PZP: variants seen among roughly 807,000 people sequenced by gnomAD.
PZP encodes PZP alpha-2-macroglobulin like.
A neutral mutation model predicts 179.8 loss-of-function variants in PZP; 150 were observed. The ratio of observed to expected loss-of-function variants is 0.83; its 90% CI spans 0.73 to 0.96. The LOEUF (loss-of-function observed/expected upper bound fraction) is 0.96, where lower values mean the gene tolerates loss of function less well. PZP is among the 40% of genes least tolerant of loss of function. The pLI is 0.00. For missense variants in PZP, 1,689 were observed against 1,764.0 expected, an observed-to-expected ratio of 0.96 and a Z score of 0.76; for synonymous variants, 624 against 652.3, an observed-to-expected ratio of 0.96 and a Z score of 0.66.
intron 7 of PZP, among the ~76,000 whole-genome samples, chr12:9,198,683 A>G (rs1943980606): frequency 6.6e-6 from 1 of 152,204 alleles, no homozygotes; most frequent in African/African-American, 2.4e-5. Flanking sequence ...GGGTAACAGA[A>G]TAATACACAA....
chr12:9,138,694 C>T, the PZP span, among the ~76,000 whole-genome samples: 193 of 152,110 alleles, frequency 1.3e-3, no homozygotes, highest in Non-Finnish European at 2.1e-3. Context: ...TAGGTCTGTT[C>T]AAACTTTCTT....
chr12:9,190,223 C>T (rs1267530125), intron 13 of PZP, among the ~76,000 whole-genome samples: 2 of 151,906 alleles, frequency 1.3e-5, no homozygotes, highest in Non-Finnish European at 2.9e-5. Flanking sequence ...TTGCAATGAA[C>T]AGTAGCAAAG....
intron 31 of PZP, 83 bp from the exon 32 acceptor site, chr12:9,152,393 TG>T: frequency 1.0e-6 from 1 of 1,001,802 alleles, no homozygotes; most frequent in Non-Finnish European, 1.6e-6. Context: ...ACTTTAAGCC[TG>T]TCTGTCTTCA....
downstream of PZP, among the ~76,000 whole-genome samples, chr12:9,146,487 A>T (rs1038425416): frequency 6.6e-6 from 1 of 152,254 alleles, no homozygotes; most frequent in East Asian, 1.9e-4. Flanking sequence ...AAATCACATA[A>T]TTCCATTTCA....
chr12:9,168,447 T>C (rs1941744017), intron 17 of PZP: 1 of 159,330 alleles, frequency 6.3e-6, no homozygotes, highest in Admixed American at 6.4e-5. Flanking sequence ...ATTTGAATAG[T>C]GGTTTTGGCC....
chr12:9,178,840 C>G (rs1392274038), intron 15 of PZP, among the ~76,000 whole-genome samples: 1 of 152,184 alleles, frequency 6.6e-6, no homozygotes, highest in Admixed American at 6.5e-5. Flanking sequence ...AGTGGATATG[C>G]TCCAACCTGA....
rs1014590019 is a variant in PZP at position 9,160,430 on chromosome 12, C to T, written c.2933G>A (p.Cys978Tyr). 2 of 1,613,798 alleles carry T rather than the reference C, an allele frequency of 1.2e-6. No individual in the cohort carries two copies. The highest frequency in any genetic ancestry group is 1.1e-5 in the South Asian group (1 of 91,090). The change falls in exon 24 of 36, where the codon TGT becomes TAT. Residue 978 changes from cysteine (C) to tyrosine (Y), a missense_variant. Cys to Tyr is a radical substitution (Grantham distance 194). Around this residue, in one of 3 missense-constraint regions of PZP, gnomAD observed 746 missense variants for 749.2 expected, o/e 1.00. Coordinates refer to ENST00000261336, the MANE Select transcript of PZP (RefSeq NM_002864.3). ...IQNLLQMPYG[C>Y]GEQNMVLFAP... ...AAATAGGACCATGTTCTGTTCTCCA[C>T]AGCCATATGGCATCTGGAGGAGATT... is the stretch of plus-strand genomic sequence containing the variant.
intron 7 of PZP, among the ~76,000 whole-genome samples, chr12:9,198,969 G>C (rs1019265603): frequency 6.6e-6 from 1 of 152,114 alleles, no homozygotes; most frequent in Admixed American, 6.5e-5. Flanking sequence ...CTGTTTGTTT[G>C]TAGGCTATCA....
At chr12:9,182,424 ATATG>A (rs1942828557) in intron 13 of PZP, among the ~76,000 whole-genome samples, 1 of 151,858 alleles carries the variant, frequency 6.6e-6, no homozygotes, top group East Asian at 1.9e-4. Flanking sequence ...TTCTGCATAT[ATATG>A]TGACAACTAT....
chr12:9,201,199 A>G (rs1279934249), intron 5 of PZP, 128 bp downstream of exon 5: 2 of 1,349,794 alleles, frequency 1.5e-6, no homozygotes, highest in Non-Finnish European at 2.1e-6. Context: ...AATCAACCTG[A>G]CAACTGGGAG....
At chr12:9,185,814 C>CTTTT (rs1555173441) in intron 13 of PZP, among the ~76,000 whole-genome samples, 7 of 147,302 alleles carry the variant, frequency 4.8e-5, no homozygotes, top group Middle Eastern at 3.6e-3. Context: ...CTTTTCTTTT[C>CTTTT]TTTTTTTTTT....
At chr12:9,157,129 GTC>G in intron 28 of PZP, 44 bp downstream of exon 28, 2 of 1,566,146 alleles carry the variant, frequency 1.3e-6, no homozygotes, top group Non-Finnish European at 1.7e-6. Context: ...CCCTCCCTGT[GTC>G]TATGTGTTCT....
At chr12:9,197,839 T>C (rs185668771) in intron 7 of PZP, among the ~76,000 whole-genome samples, 7,784 of 75,050 alleles carry the variant, frequency 0.1, 649 homozygotes, top group East Asian at 0.21. Flanking sequence ...TTATACAATA[T>C]ATAATATATA....
intron 20 of PZP, 134 bp downstream of exon 20, chr12:9,163,999 G>T: frequency 7.7e-7 from 1 of 1,300,742 alleles, no homozygotes; most frequent in Non-Finnish European, 1.0e-6. Flanking sequence ...GGTCATAGTG[G>T]ATAGAAATAG....
In PZP at chr12:9,166,214, G is replaced by T. The variant is rs780962160; in HGVS notation, c.2108-12C>A. On this transcript the variant is annotated splice_polypyrimidine_tract_variant and intron_variant, in intron 17 of 35. Coordinates refer to ENST00000261336, the MANE Select transcript of PZP (RefSeq NM_002864.3). ...TACTCCTAGACCTGCTAAAGTAAGA[G>T]AAAATTGTCTAGTTAGGGAAAAACA... is the stretch of plus-strand genomic sequence containing the variant. The T allele has an allele frequency of 1.9e-6, 3 of 1,607,432 alleles. No individual in the cohort carries two copies. Among genetic ancestry groups the T allele is most frequent in the South Asian group, 2.2e-5 (2 of 89,152 alleles).
At chr12:9,168,102 T>G (rs755893282) in intron 17 of PZP, among the ~76,000 whole-genome samples, 2 of 152,288 alleles carry the variant, frequency 1.3e-5, no homozygotes, top group South Asian at 4.1e-4. Flanking sequence ...CAATCAAAGT[T>G]CTTAATTTGT....
chr12:9,161,322 G>A (rs1351439346), intron 22 of PZP, among the ~76,000 whole-genome samples: 1 of 152,154 alleles, frequency 6.6e-6, no homozygotes, highest in African/African-American at 2.4e-5. Context: ...CAATTTCAAC[G>A]AATGTGAGCA....
At chr12:9,162,237 C>T in intron 22 of PZP, 1 of 174,674 alleles carries the variant, frequency 5.7e-6, no homozygotes, top group Non-Finnish European at 1.2e-5. Flanking sequence ...GCTGGGATTA[C>T]AAATGTGAGC....
rs1555178386 is a variant in PZP, at chr12:9,208,252, G to T, written c.83+7C>A. The T allele has an allele frequency of 6.2e-7, 1 of 1,609,852 alleles. No homozygotes were observed. Among genetic ancestry groups the T allele is most frequent in the South Asian group, 1.1e-5 (1 of 90,960 alleles). ...CTCTGGAGGAAGGGGTCTTGAGTGA[G>T]ACTTACGGTTCTGTAGAGTTTGAGT... On this transcript the variant is annotated splice_region_variant and intron_variant, in intron 1 of 35. Coordinates refer to ENST00000261336, the MANE Select transcript of PZP (RefSeq NM_002864.3).
Sources: allele counts gnomAD v4.1 joint callset (sites outside exome capture counted in the v4.1 genomes callset), GRCh38; gene constraint gnomAD v4.1.1; regional missense constraint gnomAD v4.1.1; transcripts MANE v1.5; gene names NCBI Gene and HGNC (gene_info 2026-07-23, HGNC 2026-07-21).